Variants in TRDN observed in about 807,000 individuals in gnomAD.
TRDN encodes triadin in skeletal muscle.
Under a neutral mutation model 149.7 loss-of-function variants are expected in TRDN, and 161 were observed. The ratio of observed to expected loss-of-function variants is 1.08; its 90% CI spans 0.95 to 1.23. The LOEUF is 1.23. Among genes scored for constraint, TRDN ranks in the 50% most tolerant of loss-of-function variants. The probability of loss-of-function intolerance (pLI) is 0.00; values close to 1 mark genes in which losing one functional copy is unlikely to be tolerated. For synonymous variants in TRDN, 294 were observed against 250.5 expected (o/e 1.17, Z -1.64); for missense variants, 896 against 823.5 (o/e 1.09, Z -1.08).
chr6:123,273,297 G>C, intron 28 of TRDN, 40 bp downstream of exon 28: 1 of 1,077,268 alleles, frequency 9.3e-7, no homozygotes, highest in Non-Finnish European at 1.3e-6. Context: ...ATATTTTTTC[G>C]TAAGAAAGTC....
intron 4 of TRDN, among the ~76,000 whole-genome samples, chr6:123,539,580 T>C (rs751091590): frequency 2.6e-5 from 4 of 152,226 alleles, no homozygotes; most frequent in Admixed American, 1.3e-4. Context: ...CAATACCTCC[T>C]TGTTGCATTC....
At chr6:123,546,341 C>A (rs1026729328) in intron 4 of TRDN, among the ~76,000 whole-genome samples, 2 of 152,114 alleles carry the variant, frequency 1.3e-5, no homozygotes, top group Non-Finnish European at 2.9e-5. Flanking sequence ...AGTTACAAAT[C>A]CAAAGTTTCT....
At chr6:123,349,981 C>T (rs543234697) in intron 21 of TRDN, 2 of 985,322 alleles carry the variant, frequency 2.0e-6, no homozygotes, top group Middle Eastern at 5.2e-4. Flanking sequence ...AGAAACTCTT[C>T]AAGTGGACAC....
chr6:123,298,679 A>T (rs565861644), intron 24 of TRDN, among the ~76,000 whole-genome samples: 1 of 152,144 alleles, frequency 6.6e-6, no homozygotes, highest in Non-Finnish European at 1.5e-5. Flanking sequence ...TAAAATGGGG[A>T]ATTTATTTAT....
chr6:123,398,042 T>C (rs147695502), intron 12 of TRDN, among the ~76,000 whole-genome samples: 1 of 152,354 alleles, frequency 6.6e-6, no homozygotes, highest in African/African-American at 2.4e-5. Flanking sequence ...TCTCACTCCG[T>C]CGCCCAGGCT....
chr6:123,597,378 T>A (rs1784085316), intron 1 of TRDN, among the ~76,000 whole-genome samples: 1 of 152,086 alleles, frequency 6.6e-6, no homozygotes, highest in Non-Finnish European at 1.5e-5. Context: ...TGAAATGGAA[T>A]CTACTGCTGG....
At chr6:123,316,840 G>A (rs527485565) in intron 23 of TRDN, among the ~76,000 whole-genome samples, 1 of 151,690 alleles carries the variant, frequency 6.6e-6, no homozygotes, top group Non-Finnish European at 1.5e-5. Flanking sequence ...AAATTGCTCA[G>A]AAGAAAAACG....
chr6:123,520,643 G>A (rs983020175), intron 5 of TRDN, among the ~76,000 whole-genome samples: 64 of 152,254 alleles, frequency 4.2e-4, no homozygotes, highest in African/African-American at 1.3e-3. Context: ...TGATACTTAC[G>A]CGTTAAATCA....
At chr6:123,235,341 C>A (rs1410076070) in intron 38 of TRDN, among the ~76,000 whole-genome samples, 1 of 151,986 alleles carries the variant, frequency 6.6e-6, no homozygotes, top group East Asian at 1.9e-4. Context: ...CCTTCAGATA[C>A]CCTGTGACCT....
intron 9 of TRDN, among the ~76,000 whole-genome samples, chr6:123,475,437 G>A (rs1182265028): frequency 7.3e-5 from 8 of 110,030 alleles, no homozygotes; most frequent in South Asian, 7.1e-4. Flanking sequence ...ACCAAAAAGA[G>A]TCCAGGACCA....
intron 40 of TRDN, 54 bp from the exon 41 acceptor site, chr6:123,218,794 G>C: frequency 1.3e-6 from 2 of 1,527,770 alleles, no homozygotes; most frequent in Admixed American, 2.0e-5. Context: ...GAGCAAAAAA[G>C]CACAGTGAGG....
At chr6:123,237,629 T>G (rs1228617073) in intron 38 of TRDN, among the ~76,000 whole-genome samples, 1 of 152,192 alleles carries the variant, frequency 6.6e-6, no homozygotes, top group Non-Finnish European at 1.5e-5. Flanking sequence ...TAGACAATCA[T>G]GTGAATAGGG....
chr6:123,551,061 T>A (rs538970074), intron 2 of TRDN, among the ~76,000 whole-genome samples: 56 of 151,626 alleles, frequency 3.7e-4, no homozygotes, highest in African/African-American at 1.3e-3. Flanking sequence ...GCAAATGAGA[T>A]TTTTATGATG....
chr6:123,427,812 TG>T (rs1562308135), intron 12 of TRDN, among the ~76,000 whole-genome samples: 1 of 152,146 alleles, frequency 6.6e-6, no homozygotes, highest in Non-Finnish European at 1.5e-5. Context: ...ATTATCCAAG[TG>T]TAATTCTAAA....
intron 9 of TRDN, chr6:123,470,206 T>C (rs1405038265): frequency 6.6e-6 from 1 of 152,160 alleles, no homozygotes; most frequent in Non-Finnish European, 1.5e-5. Flanking sequence ...ATACAACATA[T>C]ATAGGACTTC....
chr6:123,580,308 G>T (rs1218496975), intron 1 of TRDN, among the ~76,000 whole-genome samples: 1 of 152,094 alleles, frequency 6.6e-6, no homozygotes, highest in Non-Finnish European at 1.5e-5. Context: ...GCAATGATGA[G>T]AGCATAACTA....
At position 123,497,187 on chromosome 6, in the gene TRDN, G is replaced by A; in HGVS notation, c.853+6C>T. The A allele has an allele frequency of 1.3e-6, 2 of 1,542,496 alleles. No individual in the cohort carries two copies. The highest frequency in any genetic ancestry group is 1.4e-5 in the African/African-American group (1 of 71,756). On this transcript the variant is annotated splice_donor_region_variant and intron_variant, in intron 9 of 40. Coordinates refer to ENST00000334268, the MANE Select transcript of TRDN (RefSeq NM_006073.4). The stretch of plus-strand genomic sequence containing the variant: ...AACAGACAAGTACAAGAATTGCTTG[G>A]AATACCTGGTTTTAAATCCCCATGG...
In TRDN at chr6:123,398,814, T is replaced by C. The variant is rs187232016; in HGVS notation, c.1052-5137A>G. ...AAAGAAGGGCCTATTTGCAGCCAGA[T>C]ATGCAAATTGCAAAAGGTGCACAAT... On this transcript the variant is annotated intron_variant, in intron 12 of 40. Transcript: ENST00000334268. 2.0e-5 allele frequency among the ~76,000 whole-genome samples: 3 copies of C among 152,328 alleles called. No individual in the cohort carries two copies. The East Asian group carries it at 5.8e-4, about 29-fold the overall frequency.
At chr6:123,478,097 AC>A in intron 9 of TRDN, among the ~76,000 whole-genome samples, 1 of 149,434 alleles carries the variant, frequency 6.7e-6, no homozygotes, top group East Asian at 2.0e-4. Flanking sequence ...AAAAAAAAAA[AC>A]CTAATATAAG....
Sources: gnomAD v4.1 joint callset for allele counts (sites outside exome capture counted in the v4.1 genomes callset) on GRCh38, gnomAD v4.1.1 for gene constraint, MANE v1.5 for transcripts, NCBI Gene and HGNC (gene_info 2026-07-23, HGNC 2026-07-21) for gene names.